The following COL19A1 variants were observed in gnomAD, a reference collection of about 807,000 sequenced individuals.
COL19A1 encodes the protein collagen alpha-1(XIX) chain.
Under a neutral mutation model 190.2 loss-of-function variants are expected in COL19A1, and 159 were observed. The ratio of observed to expected loss-of-function variants is 0.84; its 90% confidence interval spans 0.73 to 0.95. COL19A1 has a LOEUF of 0.95. COL19A1 is among the 40% of genes least tolerant of loss of function. The pLI, the probability that COL19A1 is intolerant of heterozygous loss-of-function variation, is 0.00. For missense variants in COL19A1, 1,418 were observed against 1,431.9 expected (o/e 0.99, Z 0.16); for synonymous variants, 509 against 458.9 (o/e 1.11, Z -1.39).
At chr6:70,115,353 C>T (rs1784502743) in intron 16 of COL19A1, among the ~76,000 whole-genome samples, 1 of 152,110 alleles carries the variant, frequency 6.6e-6, no homozygotes, top group African/African-American at 2.4e-5. Flanking sequence ...TAATACTACC[C>T]ACTTCAGTTG....
chr6:69,942,526 C>T (rs1478734480), intron 9 of COL19A1, among the ~76,000 whole-genome samples: 1 of 152,096 alleles, frequency 6.6e-6, no homozygotes, highest in Non-Finnish European at 1.5e-5. Flanking sequence ...CCTATCCCCA[C>T]TCCCACCCTT....
intron 9 of COL19A1, among the ~76,000 whole-genome samples, chr6:69,943,601 A>G (rs1469832396): frequency 2.0e-5 from 3 of 152,090 alleles, no homozygotes; most frequent in Non-Finnish European, 1.5e-5. Flanking sequence ...AGAGATAAGG[A>G]TCTAGTTTAT....
At chr6:70,043,970 T>C (rs1439164808) in intron 14 of COL19A1, among the ~76,000 whole-genome samples, 1 of 152,236 alleles carries the variant, frequency 6.6e-6, no homozygotes. Flanking sequence ...TTGTTGACAT[T>C]GAAAACTCGT....
intron 31 of COL19A1, among the ~76,000 whole-genome samples, chr6:70,155,551 C>T (rs1287716035): frequency 6.6e-6 from 1 of 152,134 alleles, no homozygotes; most frequent in Non-Finnish European, 1.5e-5. Context: ...TTCCTATTGT[C>T]ACTTGGATAT....
intron 11 of COL19A1, among the ~76,000 whole-genome samples, chr6:69,975,216 A>T (rs1775650390): frequency 6.6e-6 from 1 of 152,280 alleles, no homozygotes; most frequent in Non-Finnish European, 1.5e-5. Flanking sequence ...TGCTTCATGG[A>T]TCACTGCTAA....
intron 11 of COL19A1, among the ~76,000 whole-genome samples, chr6:69,985,935 G>A (rs1477711540): frequency 6.6e-6 from 1 of 151,680 alleles, no homozygotes; most frequent in East Asian, 1.9e-4. Context: ...GGCCCATTAG[G>A]GTCTTTGGAA....
chr6:70,158,433 A>G (rs1322314569), intron 34 of COL19A1, among the ~76,000 whole-genome samples: 1 of 152,012 alleles, frequency 6.6e-6, no homozygotes, highest in African/African-American at 2.4e-5. Context: ...ACAGAGGGAC[A>G]CCCCATCTCT....
At chr6:70,043,795 A>G (rs1779760488) in intron 14 of COL19A1, among the ~76,000 whole-genome samples, 1 of 152,046 alleles carries the variant, frequency 6.6e-6, no homozygotes, top group South Asian at 2.1e-4. Flanking sequence ...ATGTAGCATA[A>G]CTCTTAAGGG....
At chr6:70,196,027 T>C (rs1027944883) in intron 48 of COL19A1, among the ~76,000 whole-genome samples, 1 of 152,196 alleles carries the variant, frequency 6.6e-6, no homozygotes, top group Non-Finnish European at 1.5e-5. Flanking sequence ...AACATACTCA[T>C]TAAGGTGGCA....
chr6:70,046,838 C>T (rs1205282948), intron 14 of COL19A1, among the ~76,000 whole-genome samples: 1 of 152,080 alleles, frequency 6.6e-6, no homozygotes, highest in Non-Finnish European at 1.5e-5. Context: ...CTTATGGTTT[C>T]AACAGCACAA....
chr6:70,122,173 G>A (rs943909220), intron 17 of COL19A1, among the ~76,000 whole-genome samples: 1 of 151,960 alleles, frequency 6.6e-6, no homozygotes, highest in Non-Finnish European at 1.5e-5. Context: ...TAAAAATTTT[G>A]TTCAAAGATT....
At chr6:70,199,947 A>G (rs1198641309) in intron 49 of COL19A1, 3 of 469,324 alleles carry the variant, frequency 6.4e-6, no homozygotes, top group African/African-American at 6.0e-5. Context: ...ACTACTTCAA[A>G]TTTAAAACCA....
chr6:70,127,674 G>C (rs56179051), intron 17 of COL19A1, among the ~76,000 whole-genome samples: 1 of 152,046 alleles, frequency 6.6e-6, no homozygotes. Flanking sequence ...AAGGTGAAAG[G>C]CACGTCTAAC....
chr6:70,154,124 A>G (rs9446208), intron 31 of COL19A1, among the ~76,000 whole-genome samples: 994 of 15,864 alleles, frequency 0.063, 17 homozygotes, highest in African/African-American at 0.19. Context: ...CCAACCCCCC[A>G]CAGGCCCCAG....
At chr6:69,877,371 A>C (rs1004043416) in intron 1 of COL19A1, among the ~76,000 whole-genome samples, 2 of 152,234 alleles carry the variant, frequency 1.3e-5, no homozygotes, top group African/African-American at 4.8e-5. Flanking sequence ...CCAAAGGAGT[A>C]GAAGTGTACA....
chr6:70,211,210 C>T lies in COL19A1; in HGVS notation c.*3936C>T, dbSNP rs1768183027. On this transcript the variant is annotated 3_prime_UTR_variant, in exon 51 of 51. Coordinates refer to ENST00000620364, the MANE Select transcript of COL19A1 (RefSeq NM_001858.6). ...GAATACATCACTATTTACAAAAGTACAATTAGAAACACTGTTTTTTTTAAG... is the reference window on the plus strand; with the variant it reads ...GAATACATCACTATTTACAAAAGTATAATTAGAAACACTGTTTTTTTTAAG... Among the ~76,000 whole-genome samples, 1 of 151,930 alleles carries T rather than the reference C, an allele frequency of 6.6e-6. No individual in the cohort carries two copies. Among genetic ancestry groups the T allele is most frequent in the African/African-American group, 2.4e-5 (1 of 41,398 alleles).
intron 2 of COL19A1, among the ~76,000 whole-genome samples, chr6:69,896,622 T>A: frequency 6.7e-6 from 1 of 148,196 alleles, no homozygotes; most frequent in African/African-American, 2.5e-5. Context: ...CTACAAGCAA[T>A]GTAGAATAGT....
At chr6:70,144,124 C>G (rs753306241) in intron 23 of COL19A1, 86 bp from the exon 24 acceptor site, 19 of 1,234,594 alleles carry the variant, frequency 1.5e-5, no homozygotes, top group Non-Finnish European at 2.2e-5. Flanking sequence ...AAATTCTGTT[C>G]TCTTGACAGA....
intron 11 of COL19A1, among the ~76,000 whole-genome samples, chr6:69,994,726 C>A (rs987534474): frequency 6.6e-6 from 1 of 152,038 alleles, no homozygotes; most frequent in Non-Finnish European, 1.5e-5. Context: ...CCTATGAGAC[C>A]ATTATTTAAA....
Sources: gnomAD v4.1 joint callset for allele counts (sites outside exome capture counted in the v4.1 genomes callset) on GRCh38, gnomAD v4.1.1 for gene constraint, MANE v1.5 for transcripts, NCBI Gene and HGNC (gene_info 2026-07-23, HGNC 2026-07-21) for gene names.